Variants in HSPA13 observed in about 807,000 individuals in gnomAD.
HSPA13 encodes heat shock protein family A (Hsp70) member 13.
A neutral mutation model predicts 38.8 loss-of-function variants in HSPA13; 29 were observed. That is an observed-to-expected ratio of 0.75 (90% CI 0.56 to 1.02). The LOEUF is 1.02. Among genes scored for constraint, HSPA13 ranks in the 50% least tolerant of loss-of-function variants. The pLI is 0.00. For missense variants in HSPA13, 451 were observed against 560.9 expected (o/e 0.80, Z 1.98); for synonymous variants, 192 against 205.3 (o/e 0.94, Z 0.56).
chr21:14,375,055 C>A (rs901624258), intron 4 of HSPA13, among the ~76,000 whole-genome samples: 2 of 151,976 alleles, frequency 1.3e-5, no homozygotes, highest in Non-Finnish European at 2.9e-5. Context: ...AAGCTAAATT[C>A]GACAAAATAA....
chr21:14,381,189 G>C lies in HSPA13; in HGVS notation c.366+14C>G, dbSNP rs1984158640. The C allele has an allele frequency of 1.3e-6, 2 of 1,554,252 alleles. No individual in the cohort carries two copies. Among genetic ancestry groups the C allele is most frequent in the South Asian group, 2.3e-5 (2 of 87,036 alleles). Reference sequence around the variant, plus strand: ...TACACTAAAATTAATATAGATTTTAGATTAATCACTTACCTTAAATGGGTA... The same window carrying C: ...TACACTAAAATTAATATAGATTTTACATTAATCACTTACCTTAAATGGGTA... On this transcript the variant is annotated intron_variant, in intron 2 of 4. Transcript: ENST00000285667.
intron 1 of HSPA13, 24 bp from the exon 2 acceptor site, chr21:14,381,567 A>T: frequency 6.4e-7 from 1 of 1,552,236 alleles, no homozygotes; most frequent in Non-Finnish European, 8.8e-7. Flanking sequence ...AAATTAAAAG[A>T]TGTATTTTAT....
chr21:14,381,811 T>C (rs1362088108), intron 1 of HSPA13, among the ~76,000 whole-genome samples: 1 of 152,138 alleles, frequency 6.6e-6, no homozygotes, highest in Non-Finnish European at 1.5e-5. Flanking sequence ...ATAAATGTAA[T>C]AAAATGTAAA....
chr21:14,382,838 C>T (rs1984206443), intron 1 of HSPA13, among the ~76,000 whole-genome samples: 1 of 152,110 alleles, frequency 6.6e-6, no homozygotes, highest in African/African-American at 2.4e-5. Flanking sequence ...GAACGCCTCC[C>T]TAAGCCTGAT....
rs1168725880 is a variant in HSPA13, at chr21:14,371,656, G to A, written c.*1961C>T. 2 of 152,110 alleles carry A rather than the reference G, an allele frequency of 1.3e-5. No individual in the cohort carries two copies. The highest frequency in any genetic ancestry group is 2.1e-4 in the South Asian group (1 of 4,822). The allele number at this position is 152,110 out of a possible 1,614,324, so 9.4% of individuals were successfully genotyped here. A position where few individuals can be genotyped will look rare whatever the true frequency, so the allele number is the denominator to read the frequency against. ...GGAATTATTTAAATTCCAACTTCAG[G>A]ACATGAGATGAGCTGCCTGCCCTAT... On this transcript the variant is annotated 3_prime_UTR_variant, in exon 5 of 5. Coordinates refer to ENST00000285667, the MANE Select transcript of HSPA13 (RefSeq NM_006948.5).
rs368680129 is a variant in HSPA13, at chr21:14,381,401, C to T, written c.168G>A (p.Lys56=). The change falls in exon 2 of 5, where the codon AAG becomes AAA. Residue 56 remains lysine, a synonymous_variant. Coordinates refer to ENST00000285667, the MANE Select transcript of HSPA13 (RefSeq NM_006948.5). ...TATGCCCATTTTCATCTGGAATCAC[C>T]TTTACTTTTCCTGTGCCAGGAAAAA... ...GVFFPGTGKV[K]VIPDENGHIS... is the part of the protein sequence containing the mutation. The T allele has an allele frequency of 7.3e-5, 118 of 1,613,996 alleles. No homozygotes were observed. The African/African-American group carries it at 1.5e-3, about 20-fold the overall frequency.
Position 14,378,222 on chromosome 21 carries a change from G to C in HSPA13, c.557C>G (p.Thr186Arg), listed in dbSNP as rs1329386545. Residue 186 changes from threonine to arginine, a missense_variant, in exon 3 of 5, where the codon ACA (threonine) becomes AGA (arginine). Coordinates refer to ENST00000285667, the MANE Select transcript of HSPA13 (RefSeq NM_006948.5). ...AEFDLKQRNS[T>R]IEAANLAGLK... ...ACCTGCAAGGTTAGCAGCTTCAATT[G>C]TTGAATTTCTCTGTTTTAGATCAAA... 1.9e-6 allele frequency: 3 copies of C among 1,613,838 alleles called. No individual in the cohort carries two copies. Among genetic ancestry groups the C allele is most frequent in the Non-Finnish European group, 2.5e-6 (3 of 1,179,888 alleles).
At chr21:14,377,582 C>T (rs956937146) in intron 3 of HSPA13, among the ~76,000 whole-genome samples, 1 of 152,048 alleles carries the variant, frequency 6.6e-6, no homozygotes, top group African/African-American at 2.4e-5. Context: ...AAGTATTGTT[C>T]CTGGGTGTGT....
At position 14,372,144 on chromosome 21, in the gene HSPA13, G is replaced by T. The variant is rs548650187; in HGVS notation, c.*1473C>A. 14 of 151,892 alleles carry T rather than the reference G, an allele frequency of 9.2e-5. No homozygotes were observed. Among genetic ancestry groups the T allele is most frequent in the Non-Finnish European group, 1.3e-4 (9 of 67,894 alleles). 9.4% of individuals were successfully genotyped at this position (151,892 alleles called of 1,614,324 possible). On this transcript the variant is annotated 3_prime_UTR_variant, in exon 5 of 5. Coordinates refer to ENST00000285667, the MANE Select transcript of HSPA13 (RefSeq NM_006948.5). Reference sequence around the variant, plus strand: ...GCTGAAGTTTTGATGTTGTTGAAATGAATTTGCTCAGTTTCCTTTTTTGGT... The same window carrying T: ...GCTGAAGTTTTGATGTTGTTGAAATTAATTTGCTCAGTTTCCTTTTTTGGT...
intron 2 of HSPA13, among the ~76,000 whole-genome samples, chr21:14,380,446 T>C (rs1984139773): frequency 6.7e-6 from 1 of 150,072 alleles, no homozygotes; most frequent in Non-Finnish European, 1.5e-5. Context: ...CTAAAAAAAA[T>C]CAAAATAAAT....
At chr21:14,374,581 A>C (rs1983972701) in intron 4 of HSPA13, among the ~76,000 whole-genome samples, 1 of 152,210 alleles carries the variant, frequency 6.6e-6, no homozygotes, top group African/African-American at 2.4e-5. Context: ...TAAATCAATA[A>C]ATAAAAATTT....
chr21:14,374,404 A>G (rs1983965503), intron 4 of HSPA13, 120 bp from the exon 5 acceptor site: 1 of 739,448 alleles, frequency 1.4e-6, no homozygotes, highest in East Asian at 2.7e-5. Flanking sequence ...TTCATGTATC[A>G]TTACAATTTT....
At chr21:14,376,420 A>G (rs1219827642) in intron 3 of HSPA13, among the ~76,000 whole-genome samples, 1 of 151,660 alleles carries the variant, frequency 6.6e-6, no homozygotes. Context: ...CTCAAAAAAT[A>G]AAAAAAAATA....
Position 14,373,841 on chromosome 21 carries a change from C to CA in HSPA13, c.1191dup (p.Glu398Ter). ...CCAACTAAAACCACCTCATCAATCT[C>CA]AGTCTTTTCCAGGTGGCCTTCTTTC... is the stretch of plus-strand genomic sequence containing the variant. On this transcript the variant is annotated frameshift_variant, in exon 5 of 5. Transcript: ENST00000285667. LOFTEE classifies it high-confidence loss of function. The CA allele has an allele frequency of 6.2e-7, 1 of 1,614,212 alleles. No homozygotes were observed. Among genetic ancestry groups the CA allele is most frequent in the Non-Finnish European group, 8.5e-7 (1 of 1,180,020 alleles).
In HSPA13 at chr21:14,383,122, C is replaced by G. The variant is rs1162473643; in HGVS notation, c.-3G>C. 6 of 1,614,022 alleles carry G rather than the reference C, an allele frequency of 3.7e-6. No individual in the cohort carries two copies. The highest frequency in any genetic ancestry group is 4.2e-6 in the Non-Finnish European group (5 of 1,180,010). On this transcript the variant is annotated 5_prime_UTR_variant, in exon 1 of 5. Transcript: ENST00000285667. ...AAGATCGTCATCTCTCTGGCCATCA[C>G]AGTCCCGCCGAACAGGCTTGTGATG...
At chr21:14,375,960 G>A in intron 3 of HSPA13, 141 bp from the exon 4 acceptor site, 1 of 584,342 alleles carries the variant, frequency 1.7e-6, no homozygotes. Context: ...CCGAACAGAA[G>A]CATGAAATGG....
Position 14,372,399 on chromosome 21 carries a change from C to T in HSPA13, c.*1218G>A, listed in dbSNP as rs182736438. On this transcript the variant is annotated 3_prime_UTR_variant, in exon 5 of 5. Transcript: ENST00000285667. ...TTCTTTCTTGGTCCCTGTGGTTTTTCTTAAAGGAAACAAACAACAAAAACA... is the reference window on the plus strand; with the variant it reads ...TTCTTTCTTGGTCCCTGTGGTTTTTTTTAAAGGAAACAAACAACAAAAACA... 7 of 151,252 alleles carry T rather than the reference C, an allele frequency of 4.6e-5. No individual in the cohort carries two copies. The highest frequency in any genetic ancestry group is 2.6e-4 in the Admixed American group (4 of 15,180). The allele number at this position is 151,252 out of a possible 1,614,324, so 9.4% of individuals were successfully genotyped here.
chr21:14,382,195 G>C (rs1984186523), intron 1 of HSPA13, among the ~76,000 whole-genome samples: 1 of 152,114 alleles, frequency 6.6e-6, no homozygotes, highest in Admixed American at 6.5e-5. Flanking sequence ...TAATATTTAG[G>C]GGAGAAGAAG....
rs1982852698 is a variant in HSPA13 at position 14,372,571 on chromosome 21, T to C, written c.*1046A>G. ...TGAAAAGAGTCCAAGTGTGATTATT[T>C]AAAAATAATAATAGAAAACAATAAC... is the stretch of plus-strand genomic sequence containing the variant. On this transcript the variant is annotated 3_prime_UTR_variant, in exon 5 of 5. Transcript: ENST00000285667. The C allele has an allele frequency of 1.3e-5, 2 of 152,132 alleles. No individual in the cohort carries two copies. Among genetic ancestry groups the C allele is most frequent in the Admixed American group, 6.6e-5 (1 of 15,266 alleles). The allele number at this position is 152,132 out of a possible 1,614,324, so 9.4% of individuals were successfully genotyped here. A position where few individuals can be genotyped will look rare whatever the true frequency, so the allele number is the denominator to read the frequency against.
Sources: gnomAD v4.1 joint callset for allele counts (sites outside exome capture counted in the v4.1 genomes callset) on GRCh38, gnomAD v4.1.1 for gene constraint, MANE v1.5 for transcripts, NCBI Gene and HGNC (gene_info 2026-07-23, HGNC 2026-07-21) for gene names.